FAM120A: variants seen among roughly 807,000 people sequenced by gnomAD.
FAM120A encodes family with sequence similarity 120 member A, also known as constitutive coactivator of PPAR-gamma-like protein 1.
A neutral mutation model predicts 109.7 loss-of-function variants in FAM120A; 15 were observed. That is an observed-to-expected ratio of 0.14 (90% CI 0.09 to 0.21). The LOEUF (loss-of-function observed/expected upper bound fraction) is 0.21, where lower values mean the gene tolerates loss of function less well. FAM120A is among the 10% of genes least tolerant of loss of function. The pLI is 1.00. For missense variants in FAM120A, 899 were observed against 1,439.3 expected (o/e 0.62, Z 6.07); for synonymous variants, 493 against 572.8 (o/e 0.86, Z 1.99).
chr9:93,543,197 C>G (rs984405535), intron 10 of FAM120A, 25 bp from the exon 11 acceptor site: 4 of 1,608,972 alleles, frequency 2.5e-6, no homozygotes, highest in Non-Finnish European at 3.4e-6. Context: ...ATGAATGTGT[C>G]TTCTCTGGCT....
chr9:93,548,346 G>A (rs551767816), intron 11 of FAM120A, among the ~76,000 whole-genome samples: 5 of 152,170 alleles, frequency 3.3e-5, no homozygotes, highest in Admixed American at 1.3e-4. Flanking sequence ...TCCTGACCTC[G>A]TGATCCTCCT....
chr9:93,454,529 A>G (rs1275459951), intron 1 of FAM120A, among the ~76,000 whole-genome samples: 3 of 152,112 alleles, frequency 2.0e-5, no homozygotes, highest in African/African-American at 7.2e-5. Flanking sequence ...TTGGTTATCT[A>G]TTTTCTAAAC....
Position 93,558,599 on chromosome 9 carries a change from G to T in FAM120A, c.2687G>T (p.Gly896Val). The T allele has an allele frequency of 6.2e-7, 1 of 1,614,176 alleles. No homozygotes were observed. ...RGFAGVCGFG[G>V]PYGETVATGP... ...CCCACAGGCGTCTGTGGCTTTGGAG[G>T]CCCCTATGGGGAAACGGTAGCAACA... Residue 896 changes from glycine (G) to valine (V), a missense_variant, in exon 15 of 18, where the codon GGC becomes GTC. Coordinates refer to ENST00000277165, the MANE Select transcript of FAM120A (RefSeq NM_014612.5).
intron 5 of FAM120A, among the ~76,000 whole-genome samples, chr9:93,508,127 C>T (rs997875402): frequency 3.9e-5 from 6 of 152,126 alleles, no homozygotes; most frequent in Admixed American, 3.3e-4. Context: ...AAAGTCTAGC[C>T]TCCACTAAGC....
chr9:93,559,712 T>C (rs977882913), intron 15 of FAM120A, among the ~76,000 whole-genome samples: 6 of 152,332 alleles, frequency 3.9e-5, no homozygotes, highest in Non-Finnish European at 8.8e-5. Context: ...CAGCTCCTTC[T>C]AGTGCCTTGA....
At position 93,558,160 on chromosome 9, in the gene FAM120A, G is replaced by A. The variant is rs950192668; in HGVS notation, c.2668+150G>A. 10 of 838,808 alleles carry A rather than the reference G, an allele frequency of 1.2e-5. No homozygotes were observed. In the East Asian group the frequency reaches 2.2e-4, roughly 19 times the overall value. 52.0% of individuals were successfully genotyped at this position (838,808 alleles called of 1,614,324 possible). A position where few individuals can be genotyped will look rare whatever the true frequency, so the allele number is the denominator to read the frequency against. On this transcript the variant is annotated intron_variant, in intron 14 of 17. Coordinates refer to ENST00000277165, the MANE Select transcript of FAM120A (RefSeq NM_014612.5). The stretch of plus-strand genomic sequence containing the variant: ...AGCAGCAGTTCTTCAAGTCCGTGAG[G>A]AGCAAGTTTAATCCTGGAGATAGGG...
chr9:93,468,860 C>G (rs543358300), intron 1 of FAM120A, among the ~76,000 whole-genome samples: 1 of 152,204 alleles, frequency 6.6e-6, no homozygotes, highest in Admixed American at 6.5e-5. Flanking sequence ...TTTTACAGCT[C>G]TTGAAATATA....
At chr9:93,543,499 C>T (rs776127535) in intron 11 of FAM120A, 28 bp downstream of exon 11, 1 of 1,605,838 alleles carries the variant, frequency 6.2e-7, no homozygotes, top group South Asian at 1.1e-5. Flanking sequence ...GAGCTGGGAC[C>T]TGGGTCCCCG....
rs762427108 is a variant in FAM120A at position 93,543,324 on chromosome 9, A to G, written c.2012A>G (p.Asn671Ser). The G allele has an allele frequency of 6.2e-7, 1 of 1,614,220 alleles. No individual in the cohort carries two copies. Among genetic ancestry groups the G allele is most frequent in the Non-Finnish European group, 8.5e-7 (1 of 1,180,040 alleles). Residue 671 changes from asparagine (N) to serine (S), a missense_variant, in exon 11 of 18, where the codon AAC becomes AGC. Asn to Ser is a conservative substitution (Grantham distance 46). This residue lies in a region of FAM120A where 133 missense variants were observed against 276.6 expected (regional missense o/e 0.48). Coordinates refer to ENST00000277165, the MANE Select transcript of FAM120A (RefSeq NM_014612.5). ...ALAFREWTCP[N>S]LKRLWLGKAV... is the part of the protein sequence containing the mutation. ...GCCTTCAGGGAGTGGACCTGCCCCA[A>G]CCTGAAGAGGCTGTGGTTGGGTAAG...
At position 93,527,132 on chromosome 9, in the gene FAM120A, A is replaced by G. The variant is rs562270148; in HGVS notation, c.1419-23A>G. 5.6e-6 allele frequency: 9 copies of G among 1,606,698 alleles called. No individual in the cohort carries two copies. The African/African-American group carries it at 1.1e-4, about 19-fold the overall frequency. On this transcript the variant is annotated intron_variant, in intron 7 of 17. Transcript: ENST00000277165. ...TGGTTTGTGAAAGTGATTGGACAGT[A>G]ATCATGTTCATTTTATGTTTAGCCA...
In FAM120A at chr9:93,497,404, T is replaced by A. The variant is rs762480366; in HGVS notation, c.805-67T>A. On this transcript the variant is annotated intron_variant, in intron 3 of 17. Transcript: ENST00000277165. ...AGCTCCTTGTTGAATTTCTGGCTCCTGCATTCAGATTAGCCTGGTACTGGT... is the reference window on the plus strand; with the variant it reads ...AGCTCCTTGTTGAATTTCTGGCTCCAGCATTCAGATTAGCCTGGTACTGGT... 5.0e-4 allele frequency: 787 copies of A among 1,583,442 alleles called. 1 individual carries two copies. Among genetic ancestry groups the A allele is most frequent in the Non-Finnish European group, 6.2e-4 (728 of 1,168,248 alleles).
chr9:93,471,179 T>G lies in FAM120A; in HGVS notation c.513T>G (p.Ile171Met). The change falls in exon 2 of 18, where the codon ATT becomes ATG. Residue 171 changes from isoleucine (I) to methionine (M), a missense_variant. By Grantham distance (10) the Ile-to-Met change is conservative. Transcript: ENST00000277165. Reference protein sequence around the residue: ...QSIEDHHQEVIGFCRENGFHG... With the variant: ...QSIEDHHQEVMGFCRENGFHG... Reference sequence around the variant, plus strand: ...TTGAGGATCACCATCAGGAAGTGATTGGTTTCTGCAGAGAGAATGGTTTCC... The same window carrying G: ...TTGAGGATCACCATCAGGAAGTGATGGGTTTCTGCAGAGAGAATGGTTTCC... 3 of 1,614,176 alleles carry G rather than the reference T, an allele frequency of 1.9e-6. No individual in the cohort carries two copies. The highest frequency in any genetic ancestry group is 1.1e-5 in the South Asian group (1 of 91,086).
At chr9:93,540,571 GT>G (rs1861657847) in intron 10 of FAM120A, among the ~76,000 whole-genome samples, 1 of 152,208 alleles carries the variant, frequency 6.6e-6, no homozygotes, top group Non-Finnish European at 1.5e-5. Flanking sequence ...CAAGAGTCCA[GT>G]TTCGGCTCTC....
intron 3 of FAM120A, among the ~76,000 whole-genome samples, chr9:93,496,616 C>T (rs919275554): frequency 2.6e-5 from 4 of 152,204 alleles, no homozygotes; most frequent in Admixed American, 2.0e-4. Flanking sequence ...TTTGAGGACC[C>T]TGTGATTCCC....
intron 12 of FAM120A, among the ~76,000 whole-genome samples, chr9:93,553,141 T>C (rs768670515): frequency 2.0e-5 from 3 of 152,214 alleles, no homozygotes; most frequent in Non-Finnish European, 2.9e-5. Context: ...ACCCTCATTT[T>C]TCCTGTTATA....
At chr9:93,533,903 A>G (rs751632564) in intron 10 of FAM120A, among the ~76,000 whole-genome samples, 5 of 152,204 alleles carry the variant, frequency 3.3e-5, no homozygotes, top group Admixed American at 6.5e-5. Context: ...TTACATAGCA[A>G]ACTCCTTCAG....
Position 93,452,356 on chromosome 9 carries a change from C to T in FAM120A, c.441C>T (p.Cys147=). The change falls in exon 1 of 18, where the codon TGC becomes TGT. Residue 147 remains cysteine (C), a synonymous_variant. Coordinates refer to ENST00000277165, the MANE Select transcript of FAM120A (RefSeq NM_014612.5). The surrounding 1 kb of genome is among the most constrained non-coding windows in gnomAD (Gnocchi z 7.0). ...WFLPPVCMAH[C]IRLALIRFHV... is the part of the protein sequence containing the mutation. ...TGCCGCCCGTCTGCATGGCCCACTG[C>T]ATCCGCCTGGCGCTCATCCGCTTCC... is the stretch of plus-strand genomic sequence containing the variant. 1 of 1,611,932 alleles carries T rather than the reference C, an allele frequency of 6.2e-7. No homozygotes were observed. The highest frequency in any genetic ancestry group is 1.1e-5 in the South Asian group (1 of 90,794).
At chr9:93,506,567 C>T (rs991141371) in intron 5 of FAM120A, among the ~76,000 whole-genome samples, 14 of 150,620 alleles carry the variant, frequency 9.3e-5, no homozygotes, top group Non-Finnish European at 7.4e-5. Context: ...ACTGAGCCAG[C>T]TGTGACTTAG....
intron 7 of FAM120A, chr9:93,523,379 G>C (rs1424006374): frequency 1.6e-6 from 2 of 1,232,964 alleles, no homozygotes; most frequent in South Asian, 1.3e-5. Context: ...TAGGCCTGGG[G>C]CTGAGGGAAT....
Sources: gnomAD v4.1 joint callset for allele counts (sites outside exome capture counted in the v4.1 genomes callset) on GRCh38, gnomAD v4.1.1 for gene constraint, gnomAD v4.1.1 regional missense constraint, Gnocchi (gnomAD v3.1) non-coding constraint, MANE v1.5 for transcripts, NCBI Gene and HGNC (gene_info 2026-07-23, HGNC 2026-07-21) for gene names.